Variants in NAV2 observed in about 807,000 individuals in gnomAD.
The protein encoded by NAV2 is neuron navigator 2, also known as helicase, APC down-regulated 1.
Under a neutral mutation model 223.2 loss-of-function variants are expected in NAV2, and 54 were observed. The ratio of observed to expected loss-of-function variants is 0.24; its 90% CI spans 0.19 to 0.30. The LOEUF (loss-of-function observed/expected upper bound fraction) is 0.30, where lower values mean the gene tolerates loss of function less well. Ranked by LOEUF, NAV2 falls within the 10% of genes least tolerant of loss-of-function variation. The pLI is 1.00. For missense variants in NAV2, 2,806 were observed against 3,147.5 expected (o/e 0.89, Z 2.60); for synonymous variants, 1,279 against 1,239.3 (o/e 1.03, Z -0.67).
intron 1 of NAV2, among the ~76,000 whole-genome samples, chr11:19,821,037 C>T (rs1220430420): frequency 6.6e-6 from 1 of 152,264 alleles, no homozygotes; most frequent in South Asian, 2.1e-4. Context: ...CCGAGGCGGG[C>T]AAATCACGAG....
chr11:19,557,747 A>G (rs1428862362), intron 1 of NAV2, among the ~76,000 whole-genome samples: 5 of 152,244 alleles, frequency 3.3e-5, no homozygotes, highest in Admixed American at 3.3e-4. Flanking sequence ...CTGCACTTCC[A>G]GGTGAGAAGC....
At chr11:19,604,760 T>C (rs1590659864) in intron 1 of NAV2, among the ~76,000 whole-genome samples, 1 of 152,174 alleles carries the variant, frequency 6.6e-6, no homozygotes, top group East Asian at 1.9e-4. Flanking sequence ...GCTCCTGCAA[T>C]TCCCATGTGT....
At chr11:19,396,851 A>C (rs1277931362) in intron 1 of NAV2, among the ~76,000 whole-genome samples, 2 of 152,182 alleles carry the variant, frequency 1.3e-5, no homozygotes, top group Non-Finnish European at 2.9e-5. Flanking sequence ...AGAATCCAAA[A>C]ATACATGCTA....
intron 1 of NAV2, among the ~76,000 whole-genome samples, chr11:19,515,248 G>T (rs1019217837): frequency 3.9e-5 from 6 of 152,112 alleles, no homozygotes; most frequent in Non-Finnish European, 8.8e-5. Context: ...ATGAAAGCAG[G>T]CATTATTTTT....
chr11:20,097,479 A>G (rs1213980690), intron 30 of NAV2, 98 bp from the exon 31 acceptor site: 1 of 996,478 alleles, frequency 1.0e-6, no homozygotes, highest in Admixed American at 3.3e-5. Context: ...CATCTGAGAA[A>G]GAAGAGAATA....
intron 1 of NAV2, among the ~76,000 whole-genome samples, chr11:19,517,946 A>G (rs1565007521): frequency 6.6e-6 from 1 of 152,258 alleles, no homozygotes. Flanking sequence ...GAAAGATACT[A>G]TGTTTGCTGG....
intron 1 of NAV2, among the ~76,000 whole-genome samples, chr11:19,734,742 G>T (rs970691885): frequency 2.0e-5 from 3 of 152,164 alleles, no homozygotes; most frequent in Non-Finnish European, 4.4e-5. Flanking sequence ...AAGGGCTGGG[G>T]TCTCAACTTA....
Position 19,393,906 on chromosome 11 carries a change from C to CT in NAV2, c.75+42892dup, listed in dbSNP as rs5790073. Among the ~76,000 whole-genome samples the CT allele has an allele frequency of 7.4e-3, 1,010 of 135,656 alleles. 23 individuals are homozygous for CT. The highest frequency in any genetic ancestry group is 0.026 in the African/African-American group (941 of 36,138). The allele number at this position is 135,656 out of a possible 152,430, so 89.0% of individuals were successfully genotyped here. A position where few individuals can be genotyped will look rare whatever the true frequency, so the allele number is the denominator to read the frequency against. ...TTTATAACTTAAGGGTTTTTTTTTTCTTTTTTTTTTTTTAGGTCAAATCTC... is the reference window on the plus strand; with the variant it reads ...TTTATAACTTAAGGGTTTTTTTTTTCTTTTTTTTTTTTTTAGGTCAAATCTC... On this transcript the variant is annotated intron_variant, in intron 1 of 37. Transcript: ENST00000360655.
chr11:19,638,976 G>A (rs1207024801), intron 1 of NAV2, among the ~76,000 whole-genome samples: 1 of 152,170 alleles, frequency 6.6e-6, no homozygotes, highest in Non-Finnish European at 1.5e-5. Context: ...TTGGGTGACA[G>A]AGCAAGACTC....
intron 9 of NAV2, among the ~76,000 whole-genome samples, chr11:19,947,712 C>G (rs2047043743): frequency 6.6e-6 from 1 of 152,220 alleles, no homozygotes; most frequent in Admixed American, 6.5e-5. Flanking sequence ...AAGACAGACT[C>G]TGCCAAGAGA....
intron 1 of NAV2, among the ~76,000 whole-genome samples, chr11:19,442,371 G>A (rs1215458359): frequency 6.6e-6 from 1 of 152,234 alleles, no homozygotes; most frequent in Non-Finnish European, 1.5e-5. Flanking sequence ...CAGGCAAGTT[G>A]CTGAGTTCTT....
At chr11:19,727,906 G>T (rs1262093141) in intron 1 of NAV2, among the ~76,000 whole-genome samples, 1 of 152,202 alleles carries the variant, frequency 6.6e-6, no homozygotes, top group Non-Finnish European at 1.5e-5. Flanking sequence ...AGTAGAGGAT[G>T]CTGTGGAGCA....
chr11:19,808,311 C>T (rs2058681378), intron 1 of NAV2, among the ~76,000 whole-genome samples: 1 of 152,150 alleles, frequency 6.6e-6, no homozygotes, highest in Admixed American at 6.5e-5. Context: ...ACTCCTCTAG[C>T]TCAGTCAGCT....
chr11:19,488,061 C>T (rs183384113), intron 1 of NAV2, among the ~76,000 whole-genome samples: 2 of 152,290 alleles, frequency 1.3e-5, no homozygotes, highest in East Asian at 1.9e-4. Context: ...CCCACCTCCT[C>T]CAGCTTCAGG....
At chr11:19,765,457 C>A (rs963681717) in intron 1 of NAV2, among the ~76,000 whole-genome samples, 2 of 150,414 alleles carry the variant, frequency 1.3e-5, no homozygotes, top group Non-Finnish European at 3.0e-5. Context: ...CTTCCCCTTC[C>A]CCTTCCCCTC....
At chr11:19,633,418 C>T (rs1033420875) in intron 1 of NAV2, among the ~76,000 whole-genome samples, 8 of 152,266 alleles carry the variant, frequency 5.3e-5, no homozygotes, top group African/African-American at 1.2e-4. Flanking sequence ...CAAGAGGCCG[C>T]GGTGCTCACA....
At chr11:19,941,272 G>A (rs540766573) in intron 8 of NAV2, among the ~76,000 whole-genome samples, 79 of 152,012 alleles carry the variant, frequency 5.2e-4, no homozygotes, top group African/African-American at 5.8e-4. Context: ...GCTGTCAATC[G>A]GCTGCGGGGA....
chr11:19,792,433 C>T (rs1435351548), intron 1 of NAV2, among the ~76,000 whole-genome samples: 2 of 152,236 alleles, frequency 1.3e-5, no homozygotes, highest in Non-Finnish European at 2.9e-5. Context: ...GGGGAGAGCA[C>T]TCTTGGTAAA....
At chr11:19,787,287 T>A (rs1298636143) in intron 1 of NAV2, among the ~76,000 whole-genome samples, 2 of 142,276 alleles carry the variant, frequency 1.4e-5, no homozygotes, top group African/African-American at 5.3e-5. Context: ...TTTTTTTTTT[T>A]TTTTTTTTTT....
Sources: allele counts gnomAD v4.1 joint callset (sites outside exome capture counted in the v4.1 genomes callset), GRCh38; gene constraint gnomAD v4.1.1; transcripts MANE v1.5; gene names NCBI Gene and HGNC (gene_info 2026-07-23, HGNC 2026-07-21).